The following SULF1 variants were observed in gnomAD, a reference collection of about 807,000 sequenced individuals.
SULF1 encodes sulfatase 1.
In SULF1, 46 loss-of-function variants were observed where a neutral mutation model predicts 110.5. That is an observed-to-expected ratio of 0.42 (90% CI 0.33 to 0.53). The LOEUF (loss-of-function observed/expected upper bound fraction) is 0.53. SULF1 is among the 20% of genes least tolerant of loss of function. The pLI is 0.12. For synonymous variants in SULF1, 371 were observed against 387.1 expected (o/e 0.96, Z 0.49); for missense variants, 941 against 1,094.2 (o/e 0.86, Z 1.98).
In SULF1 at chr8:69,660,131, T is replaced by G. The variant is rs917147814; in HGVS notation, c.*1596T>G. Reference sequence around the variant, plus strand: ...TCATACCTTTAAGATTGCTATATTTTGGGTTATTTTCTTGACAGGAGAAAA... The same window carrying G: ...TCATACCTTTAAGATTGCTATATTTGGGGTTATTTTCTTGACAGGAGAAAA... On this transcript the variant is annotated 3_prime_UTR_variant, in exon 23 of 23. Transcript: ENST00000402687. 1.3e-5 allele frequency: 2 copies of G among 152,514 alleles called. No individual in the cohort carries two copies. Among genetic ancestry groups the G allele is most frequent in the African/African-American group, 4.8e-5 (2 of 41,468 alleles). The allele number at this position is 152,514 out of a possible 1,614,324, so 9.4% of individuals were successfully genotyped here. A position where few individuals can be genotyped will look rare whatever the true frequency, so the allele number is the denominator to read the frequency against.
chr8:69,540,438 C>G (rs143445306), intron 3 of SULF1, among the ~76,000 whole-genome samples: 2 of 152,174 alleles, frequency 1.3e-5, no homozygotes, highest in Admixed American at 6.5e-5. Flanking sequence ...ATTTTATGGA[C>G]GAGAAATTAT....
intron 3 of SULF1, among the ~76,000 whole-genome samples, chr8:69,522,151 A>T (rs1387157726): frequency 6.6e-6 from 1 of 152,002 alleles, no homozygotes; most frequent in African/African-American, 2.4e-5. Context: ...CCTGGGTTCA[A>T]ACAATTCTCC....
At chr8:69,604,402 A>G (rs1051918489) in intron 12 of SULF1, among the ~76,000 whole-genome samples, 3 of 152,094 alleles carry the variant, frequency 2.0e-5, no homozygotes, top group African/African-American at 7.2e-5. Flanking sequence ...CATTGTAATT[A>G]TTTCCATTGT....
intron 1 of SULF1, among the ~76,000 whole-genome samples, chr8:69,482,073 C>A (rs1243681814): frequency 2.0e-5 from 3 of 152,080 alleles, no homozygotes; most frequent in Non-Finnish European, 4.4e-5. Flanking sequence ...CCAAAAAGAC[C>A]ACATAAAATA....
Position 69,618,255 on chromosome 8 carries a change from C to A in SULF1, c.1378-2780C>A, listed in dbSNP as rs1171021956. 7.2e-5 allele frequency among the ~76,000 whole-genome samples: 11 copies of A among 152,176 alleles called. No individual in the cohort carries two copies. The South Asian group carries it at 2.3e-3, about 32-fold the overall frequency. ...TTTGTGGCTTTGTAAGTAAAATCCA[C>A]CCTCTCTATCCGTGGGTTCTACATC... On this transcript the variant is annotated intron_variant, in intron 13 of 22. Transcript: ENST00000402687.
intron 21 of SULF1, among the ~76,000 whole-genome samples, chr8:69,639,525 T>G (rs968120420): frequency 1.3e-5 from 2 of 152,336 alleles, no homozygotes; most frequent in South Asian, 2.1e-4. Context: ...TTCTGGTTAA[T>G]GAAAATACTC....
rs553149357 is a variant in SULF1 at position 69,660,512 on chromosome 8, A to T, written c.*1977A>T. 3 of 152,612 alleles carry T rather than the reference A, an allele frequency of 2.0e-5. No individual in the cohort carries two copies. Among genetic ancestry groups the T allele is most frequent in the Admixed American group, 2.0e-4 (3 of 15,266 alleles). 9.5% of individuals were successfully genotyped at this position (152,612 alleles called of 1,614,324 possible). ...GTACCCTCCTATTCAGCTCCCCAAG[A>T]TGATGTGTTTTTGCTTACCCTAAGA... is the stretch of plus-strand genomic sequence containing the variant. On this transcript the variant is annotated 3_prime_UTR_variant, in exon 23 of 23. Transcript: ENST00000402687.
At chr8:69,589,563 AC>A (rs1466552868) in intron 8 of SULF1, among the ~76,000 whole-genome samples, 2 of 152,236 alleles carry the variant, frequency 1.3e-5, no homozygotes, top group African/African-American at 4.8e-5. Context: ...CCAGGCGAAT[AC>A]CGTAGCAGCT....
chr8:69,586,562 A>G (rs1163823484), intron 7 of SULF1, 54 bp downstream of exon 7: 2 of 1,567,292 alleles, frequency 1.3e-6, no homozygotes, highest in Non-Finnish European at 8.6e-7. Flanking sequence ...ATAATGGGGA[A>G]AAGCCATTTT....
chr8:69,543,527 T>A (rs1306711044), intron 3 of SULF1, among the ~76,000 whole-genome samples: 1 of 152,194 alleles, frequency 6.6e-6, no homozygotes, highest in African/African-American at 2.4e-5. Context: ...TCCAGCTTCA[T>A]CCATGTCCCT....
chr8:69,641,069 C>T, intron 22 of SULF1: 1 of 400,670 alleles, frequency 2.5e-6, no homozygotes, highest in South Asian at 9.2e-5. Flanking sequence ...TTTACTCACT[C>T]CCATGCTTGT....
chr8:69,585,177 A>G (rs1432358244), intron 6 of SULF1, among the ~76,000 whole-genome samples: 1 of 152,190 alleles, frequency 6.6e-6, no homozygotes, highest in Non-Finnish European at 1.5e-5. Context: ...ACACACATAT[A>G]TACATACACG....
At chr8:69,633,263 T>G (rs955428899) in intron 19 of SULF1, among the ~76,000 whole-genome samples, 1 of 151,998 alleles carries the variant, frequency 6.6e-6, no homozygotes, top group Non-Finnish European at 1.5e-5. Context: ...ATATGAAACA[T>G]GACTCAGAAA....
chr8:69,469,929 C>G (rs1180350165), intron 1 of SULF1, among the ~76,000 whole-genome samples: 2 of 152,156 alleles, frequency 1.3e-5, no homozygotes, highest in Non-Finnish European at 2.9e-5. Flanking sequence ...GTAATCCCAG[C>G]TACTTGGGAG....
At chr8:69,543,820 G>A (rs903489504) in intron 3 of SULF1, among the ~76,000 whole-genome samples, 2 of 152,184 alleles carry the variant, frequency 1.3e-5, no homozygotes, top group Non-Finnish European at 2.9e-5. Context: ...TGACAGATGT[G>A]TCAAGATGTG....
In SULF1 at chr8:69,564,014, G is replaced by A; in HGVS notation, c.39G>A (p.Leu13=). 6.2e-7 allele frequency: 1 copy of A among 1,614,152 alleles called. No individual in the cohort carries two copies. The highest frequency in any genetic ancestry group is 1.3e-5 in the African/African-American group (1 of 75,028). ...YSCCALVLAV[L]GTELLGSLCS... is the part of the protein sequence containing the mutation. ...GCTGTGCTCTGGTTTTGGCTGTCCT[G>A]GGCACAGAATTGCTGGGAAGCCTCT... The change falls in exon 5 of 23, where the codon CTG becomes CTA. Residue 13 remains leucine (L), a synonymous_variant. Transcript: ENST00000402687.
At chr8:69,619,885 C>T (rs1436990778) in intron 13 of SULF1, among the ~76,000 whole-genome samples, 1 of 152,224 alleles carries the variant, frequency 6.6e-6, no homozygotes, top group Non-Finnish European at 1.5e-5. Flanking sequence ...TGTTACAATG[C>T]TCTTTTAGCC....
chr8:69,582,688 GAAAAA>G (rs3059986), intron 6 of SULF1, among the ~76,000 whole-genome samples: 3 of 136,746 alleles, frequency 2.2e-5, no homozygotes. Flanking sequence ...TGCCTTCTTG[GAAAAA>G]AAAAAAAAAA....
intron 3 of SULF1, among the ~76,000 whole-genome samples, chr8:69,526,139 C>T (rs141850901): frequency 0.016 from 2,387 of 152,070 alleles, 59 homozygotes; most frequent in African/African-American, 0.053. Flanking sequence ...TCTGCAAGAC[C>T]GTGCCAGCTT....
Sources: gnomAD v4.1 joint callset for allele counts (sites outside exome capture counted in the v4.1 genomes callset) on GRCh38, gnomAD v4.1.1 for gene constraint, MANE v1.5 for transcripts, NCBI Gene and HGNC (gene_info 2026-07-23, HGNC 2026-07-21) for gene names.